Variants in TRAF5 observed in about 807,000 individuals in gnomAD.
The protein encoded by TRAF5 is TNF receptor-associated factor 5.
Under a neutral mutation model 64.5 loss-of-function variants are expected in TRAF5, and 48 were observed. That is an observed-to-expected ratio of 0.74 (90% confidence interval 0.59 to 0.95). The LOEUF is 0.95. TRAF5 is among the 40% of genes least tolerant of loss of function. The pLI, the probability that TRAF5 is intolerant of heterozygous loss-of-function variation, is 0.00. For synonymous variants in TRAF5, 206 were observed against 240.5 expected (o/e 0.86, Z 1.33); for missense variants, 545 against 662.8 (o/e 0.82, Z 1.95).
intron 1 of TRAF5, among the ~76,000 whole-genome samples, chr1:211,351,225 A>G (rs895774495): frequency 1.1e-4 from 16 of 151,598 alleles, no homozygotes; most frequent in African/African-American, 3.9e-4. Flanking sequence ...ACGGGGTTTC[A>G]CCGCGTTAGC....
intron 7 of TRAF5, 87 bp from the exon 8 acceptor site, chr1:211,365,289 A>C: frequency 3.5e-6 from 4 of 1,144,562 alleles, no homozygotes; most frequent in Non-Finnish European, 5.0e-6. Flanking sequence ...AAAGTTGTTA[A>C]GATTCTATTT....
At chr1:211,359,749 CAG>C (rs1703110424) in intron 4 of TRAF5, 161 bp from the exon 5 acceptor site, 1 of 680,366 alleles carries the variant, frequency 1.5e-6, no homozygotes, top group Non-Finnish European at 2.4e-6. Flanking sequence ...TCAGCAGAGA[CAG>C]TGGGCAGCAT....
At chr1:211,340,141 G>C (rs1208066525) in intron 1 of TRAF5, among the ~76,000 whole-genome samples, 4 of 152,138 alleles carry the variant, frequency 2.6e-5, no homozygotes, top group African/African-American at 9.7e-5. Context: ...GGTGGGGCTG[G>C]GCAAAGCCTG....
chr1:211,371,294 A>G lies in TRAF5; in HGVS notation c.931-8A>G, dbSNP rs752129655. ...TTTTAAACATGATTATCCATTTTGT[A>G]ATGAAAGGTTTTTGCCAGTCACATT... On this transcript the variant is annotated splice_region_variant and splice_polypyrimidine_tract_variant and intron_variant, in intron 9 of 10. Coordinates refer to ENST00000261464, the MANE Select transcript of TRAF5 (RefSeq NM_001033910.3). 7.6e-6 allele frequency: 12 copies of G among 1,570,176 alleles called. No individual in the cohort carries two copies. The highest frequency in any genetic ancestry group is 1.0e-5 in the Non-Finnish European group (12 of 1,166,716).
chr1:211,345,763 T>C (rs765230984), intron 1 of TRAF5, among the ~76,000 whole-genome samples: 9 of 152,188 alleles, frequency 5.9e-5, no homozygotes, highest in South Asian at 2.1e-4. Context: ...AGAGGGGCCA[T>C]CTGGTGTCAT....
chr1:211,356,003 G>C (rs1702950601), intron 3 of TRAF5, among the ~76,000 whole-genome samples: 1 of 152,214 alleles, frequency 6.6e-6, no homozygotes. Context: ...CACAGCCTCA[G>C]TGACACTGTC....
chr1:211,348,853 G>T (rs1386768215), intron 1 of TRAF5, among the ~76,000 whole-genome samples: 5 of 151,876 alleles, frequency 3.3e-5, no homozygotes, highest in Non-Finnish European at 7.4e-5. Flanking sequence ...AATAAGTTTT[G>T]AAGTTGGGTA....
intron 7 of TRAF5, among the ~76,000 whole-genome samples, chr1:211,362,431 G>T (rs1219299836): frequency 6.6e-6 from 1 of 152,152 alleles, no homozygotes; most frequent in Admixed American, 6.5e-5. Context: ...TGTAATCCCA[G>T]CATTTTGGGA....
intron 7 of TRAF5, 54 bp downstream of exon 7, chr1:211,361,216 G>A (rs1051703147): frequency 2.0e-6 from 3 of 1,517,802 alleles, no homozygotes; most frequent in Non-Finnish European, 2.7e-6. Flanking sequence ...AATTCACTTG[G>A]CAAGTTCAGT....
chr1:211,334,775 C>T (rs1406377423), intron 1 of TRAF5, among the ~76,000 whole-genome samples: 1 of 152,190 alleles, frequency 6.6e-6, no homozygotes, highest in Non-Finnish European at 1.5e-5. Context: ...TTCCAGACAC[C>T]AGCCAGGGGC....
intron 1 of TRAF5, among the ~76,000 whole-genome samples, chr1:211,349,034 T>TAAA (rs373131975): frequency 0.031 from 2,586 of 84,510 alleles, 131 homozygotes; most frequent in African/African-American, 0.087. Context: ...ACTCTGTCTC[T>TAAA]AAAAAAAAAA....
Position 211,371,450 on chromosome 1 carries a change from A to AT in TRAF5, c.1079_1080insT (p.Glu360AspfsTer4), listed in dbSNP as rs756204262. ...GTGAAACAGAAAATTACCCTGCTAGAAAACAATGATCAAAGATTAGGTATG... is the reference window on the plus strand; with the variant it reads ...GTGAAACAGAAAATTACCCTGCTAGATAAACAATGATCAAAGATTAGGTATG... On this transcript the variant is annotated frameshift_variant, in exon 10 of 11. Coordinates refer to ENST00000261464, the MANE Select transcript of TRAF5 (RefSeq NM_001033910.3). LOFTEE classifies it high-confidence loss of function. The AT allele has an allele frequency of 6.2e-7, 1 of 1,607,520 alleles. No homozygotes were observed. Among genetic ancestry groups the AT allele is most frequent in the Non-Finnish European group, 8.5e-7 (1 of 1,178,642 alleles).
intron 8 of TRAF5, chr1:211,369,077 C>T (rs747659522): frequency 7.8e-5 from 12 of 154,838 alleles, no homozygotes; most frequent in Admixed American, 3.9e-4. Context: ...TCAAGTGATC[C>T]TCCCCATCAG....
chr1:211,360,784 C>T lies in TRAF5; in HGVS notation c.621+5C>T, dbSNP rs568503009. On this transcript the variant is annotated splice_donor_5th_base_variant and intron_variant, in intron 6 of 10. Transcript: ENST00000261464. ...AAGATTATTCTAAAAACTGAGGTAACTGCAAATAATCCTCTCTGTAGATTT... is the reference window on the plus strand; with the variant it reads ...AAGATTATTCTAAAAACTGAGGTAATTGCAAATAATCCTCTCTGTAGATTT... The T allele has an allele frequency of 2.4e-5, 38 of 1,608,908 alleles. No individual in the cohort carries two copies. In the Admixed American group the frequency reaches 3.0e-4, roughly 13 times the overall value.
chr1:211,333,670 G>A (rs1024477701), intron 1 of TRAF5, among the ~76,000 whole-genome samples: 2 of 152,020 alleles, frequency 1.3e-5, no homozygotes, highest in Non-Finnish European at 2.9e-5. Flanking sequence ...GCTAATTTTT[G>A]TATTTTTAGT....
intron 1 of TRAF5, among the ~76,000 whole-genome samples, chr1:211,340,821 G>A (rs943845749): frequency 1.3e-4 from 20 of 152,310 alleles, no homozygotes; most frequent in Middle Eastern, 6.8e-3. Flanking sequence ...AATAAGTAGC[G>A]TGGGCTCCCA....
chr1:211,349,194 T>G (rs1572068899), intron 1 of TRAF5, among the ~76,000 whole-genome samples: 1 of 152,074 alleles, frequency 6.6e-6, no homozygotes, highest in South Asian at 2.1e-4. Flanking sequence ...GGCTACAGAG[T>G]GAGACCCTGT....
At chr1:211,326,753 G>T (rs1702021897), upstream of TRAF5, 1 of 985,086 alleles carries the variant, frequency 1.0e-6, no homozygotes, top group Non-Finnish European at 1.2e-6. This position sits in a 1 kb window ranked among gnomAD's most constrained non-coding sequence, Gnocchi z 5.0. Flanking sequence ...CTTCCCCTGC[G>T]CCCGCCCGCG....
chr1:211,331,060 T>A (rs1049100108), intron 1 of TRAF5, among the ~76,000 whole-genome samples: 2 of 152,156 alleles, frequency 1.3e-5, no homozygotes, highest in African/African-American at 4.8e-5. Context: ...TTCTCTCTGT[T>A]CTCTCTGTTG....
Sources: gnomAD v4.1 joint callset for allele counts (sites outside exome capture counted in the v4.1 genomes callset) on GRCh38, gnomAD v4.1.1 for gene constraint, Gnocchi (gnomAD v3.1) non-coding constraint, MANE v1.5 for transcripts, NCBI Gene and HGNC (gene_info 2026-07-23, HGNC 2026-07-21) for gene names.